Variants in GPC5 observed in about 807,000 individuals in gnomAD.
The protein encoded by GPC5 is glypican 5.
A neutral mutation model predicts 53.9 loss-of-function variants in GPC5; 47 were observed. That is an observed-to-expected ratio of 0.87 (90% confidence interval 0.69 to 1.11). The LOEUF (loss-of-function observed/expected upper bound fraction) is 1.11. GPC5 is among the 50% of genes most tolerant of loss of function. The pLI, the probability that GPC5 is intolerant of heterozygous loss-of-function variation, is 0.00. For missense variants in GPC5, 748 were observed against 713.1 expected (o/e 1.05, Z -0.56); for synonymous variants, 286 against 263.3 (o/e 1.09, Z -0.84).
intron 2 of GPC5, among the ~76,000 whole-genome samples, chr13:91,451,631 T>TTC (rs1555309016): frequency 2.0e-5 from 3 of 151,418 alleles, no homozygotes; most frequent in Non-Finnish European, 3.0e-5. Context: ...TTTTTTTTTT[T>TTC]CCCCGAGGTG....
chr13:91,620,987 G>A (rs2033838730), intron 2 of GPC5, among the ~76,000 whole-genome samples: 1 of 152,054 alleles, frequency 6.6e-6, no homozygotes, highest in African/African-American at 2.4e-5. Flanking sequence ...TTAGGCCTGT[G>A]GCTAAAGGAT....
At chr13:92,602,302 A>G (rs1376712989) in intron 7 of GPC5, among the ~76,000 whole-genome samples, 1 of 145,228 alleles carries the variant, frequency 6.9e-6, no homozygotes, top group Non-Finnish European at 1.5e-5. Context: ...TCTGTAAAGA[A>G]TAATTCCTGG....
chr13:92,772,033 T>C (rs945511244), intron 7 of GPC5, among the ~76,000 whole-genome samples: 4 of 152,152 alleles, frequency 2.6e-5, no homozygotes, highest in African/African-American at 9.7e-5. Flanking sequence ...CCCTTTTCTT[T>C]CACACACTGA....
At chr13:92,072,890 A>T (rs1219517327) in intron 6 of GPC5, among the ~76,000 whole-genome samples, 1 of 152,204 alleles carries the variant, frequency 6.6e-6, no homozygotes, top group Non-Finnish European at 1.5e-5. Context: ...TGTTACTTTT[A>T]AAATAAATCA....
At chr13:91,714,459 T>C (rs753463124) in intron 3 of GPC5, among the ~76,000 whole-genome samples, 10 of 152,206 alleles carry the variant, frequency 6.6e-5, no homozygotes, top group Non-Finnish European at 7.3e-5. Flanking sequence ...TGATGTCGTA[T>C]TATGAGACTG....
At chr13:91,650,436 G>A (rs767783236) in intron 2 of GPC5, among the ~76,000 whole-genome samples, 1 of 151,478 alleles carries the variant, frequency 6.6e-6, no homozygotes, top group African/African-American at 2.4e-5. Context: ...TCTTCATTCT[G>A]CCTTTATTTT....
chr13:92,831,146 G>T (rs1005459010), intron 7 of GPC5, among the ~76,000 whole-genome samples: 3 of 152,060 alleles, frequency 2.0e-5, no homozygotes, highest in Admixed American at 1.3e-4. Flanking sequence ...ATACAAAGTC[G>T]TATTCATGGC....
At chr13:91,542,216 T>C (rs950426554) in intron 2 of GPC5, among the ~76,000 whole-genome samples, 1 of 152,174 alleles carries the variant, frequency 6.6e-6, no homozygotes, top group African/African-American at 2.4e-5. Context: ...TGTATCAAAA[T>C]TACATGCATT....
chr13:92,046,957 A>G (rs184927372), intron 6 of GPC5, among the ~76,000 whole-genome samples: 387 of 152,338 alleles, frequency 2.5e-3, no homozygotes, highest in Non-Finnish European at 3.6e-3. Flanking sequence ...GTAATATTCA[A>G]AAGCACTTTT....
intron 6 of GPC5, among the ~76,000 whole-genome samples, chr13:92,022,756 T>C (rs922204737): frequency 2.6e-5 from 4 of 152,156 alleles, no homozygotes; most frequent in African/African-American, 9.6e-5. Context: ...AAGTGGGAGA[T>C]AATCATTTTA....
intron 7 of GPC5, among the ~76,000 whole-genome samples, chr13:92,528,134 T>G (rs1881430991): frequency 6.6e-6 from 1 of 152,106 alleles, no homozygotes; most frequent in Non-Finnish European, 1.5e-5. Context: ...AAAGGCAGTC[T>G]CTGTGCTCAA....
At chr13:92,543,289 A>T (rs1051988177) in intron 7 of GPC5, among the ~76,000 whole-genome samples, 7 of 152,020 alleles carry the variant, frequency 4.6e-5, no homozygotes, top group Admixed American at 4.6e-4. Flanking sequence ...TATTTTATTC[A>T]TGAAATTCTT....
chr13:92,384,624 C>T (rs184616355), intron 7 of GPC5, among the ~76,000 whole-genome samples: 30 of 152,144 alleles, frequency 2.0e-4, no homozygotes, highest in African/African-American at 6.3e-4. Flanking sequence ...CAGACAATTC[C>T]AGAATGTAAA....
At chr13:91,458,546 A>G (rs2139132386) in intron 2 of GPC5, among the ~76,000 whole-genome samples, 1 of 152,258 alleles carries the variant, frequency 6.6e-6, no homozygotes, top group South Asian at 2.1e-4. Context: ...TCAAAACCAC[A>G]GTGTAATACC....
chr13:92,038,379 G>C (rs1484523704), intron 6 of GPC5, among the ~76,000 whole-genome samples: 4 of 126,982 alleles, frequency 3.2e-5, no homozygotes, highest in Non-Finnish European at 5.2e-5. Flanking sequence ...TAGATAGATA[G>C]ATAGGTAGAT....
intron 6 of GPC5, among the ~76,000 whole-genome samples, chr13:92,099,115 GT>G (rs1394759467): frequency 1.3e-5 from 2 of 151,940 alleles, no homozygotes; most frequent in Non-Finnish European, 1.5e-5. Flanking sequence ...CCCAAGACAA[GT>G]TTTTTTCCCC....
At chr13:91,501,420 A>G (rs1305335590) in intron 2 of GPC5, among the ~76,000 whole-genome samples, 2 of 151,644 alleles carry the variant, frequency 1.3e-5, no homozygotes, top group Non-Finnish European at 2.9e-5. Flanking sequence ...AACAGGCCCC[A>G]GTGTGTGATG....
intron 7 of GPC5, among the ~76,000 whole-genome samples, chr13:92,591,596 G>A (rs976713635): frequency 5.3e-5 from 8 of 152,022 alleles, no homozygotes; most frequent in African/African-American, 1.7e-4. Context: ...TTTTTGTGAT[G>A]AGAACATTTA....
chr13:91,709,289 A>G lies in GPC5; in HGVS notation c.1020+15408A>G, dbSNP rs969693388. 3.3e-5 allele frequency among the ~76,000 whole-genome samples: 5 copies of G among 152,192 alleles called. No individual in the cohort carries two copies. In the East Asian group the frequency reaches 7.7e-4, roughly 23 times the overall value. ...AATATATTATGCTTGAAATCTTCCAATGGTTTTTATTTACCTTAGAATGAA... is the reference window on the plus strand; with the variant it reads ...AATATATTATGCTTGAAATCTTCCAGTGGTTTTTATTTACCTTAGAATGAA... On this transcript the variant is annotated intron_variant, in intron 3 of 7. Coordinates refer to ENST00000377067, the MANE Select transcript of GPC5 (RefSeq NM_004466.6).
Sources: gnomAD v4.1 joint callset for allele counts (sites outside exome capture counted in the v4.1 genomes callset) on GRCh38, gnomAD v4.1.1 for gene constraint, MANE v1.5 for transcripts, NCBI Gene and HGNC (gene_info 2026-07-23, HGNC 2026-07-21) for gene names.